The following EPB41L4A variants were observed in gnomAD, a reference collection of about 807,000 sequenced individuals.
The protein encoded by EPB41L4A is band 4.1-like protein 4A.
Under a neutral mutation model 108.6 loss-of-function variants are expected in EPB41L4A, and 100 were observed. The ratio of observed to expected loss-of-function variants is 0.92; its 90% CI spans 0.78 to 1.09. The LOEUF (loss-of-function observed/expected upper bound fraction) is 1.09. Among genes scored for constraint, EPB41L4A ranks in the 50% least tolerant of loss-of-function variants. The pLI is 0.00. For synonymous variants in EPB41L4A, 319 were observed against 289.0 expected (o/e 1.10, Z -1.05); for missense variants, 1,030 against 842.7 (o/e 1.22, Z -2.75).
At chr5:112,151,187 T>C (rs1257052161) in intron 12 of EPB41L4A, among the ~76,000 whole-genome samples, 1 of 151,994 alleles carries the variant, frequency 6.6e-6, no homozygotes, top group Non-Finnish European at 1.5e-5. Flanking sequence ...AGAATGATGA[T>C]CAAAGAAGTG....
intron 9 of EPB41L4A, among the ~76,000 whole-genome samples, chr5:112,253,972 C>T (rs539162373): frequency 6.6e-6 from 1 of 152,250 alleles, no homozygotes; most frequent in South Asian, 2.1e-4. Context: ...CATCGCTTCC[C>T]GTGTACTCTC....
At chr5:112,368,705 C>G (rs1200295521) in intron 1 of EPB41L4A, among the ~76,000 whole-genome samples, 1 of 152,204 alleles carries the variant, frequency 6.6e-6, no homozygotes, top group Non-Finnish European at 1.5e-5. Flanking sequence ...GATGCCTCTG[C>G]TGCATCTGGC....
At chr5:112,328,946 A>G (rs1756372282) in intron 1 of EPB41L4A, among the ~76,000 whole-genome samples, 1 of 152,226 alleles carries the variant, frequency 6.6e-6, no homozygotes, top group South Asian at 2.1e-4. Context: ...TTTCCATTCT[A>G]AGAAGGTTTA....
chr5:112,418,846 G>T, intron 1 of EPB41L4A, 95 bp downstream of exon 1: 1 of 926,358 alleles, frequency 1.1e-6, no homozygotes, highest in Non-Finnish European at 1.7e-6. Flanking sequence ...AGTCGCGGCC[G>T]CCGCCCTCGA....
intron 1 of EPB41L4A, among the ~76,000 whole-genome samples, chr5:112,316,374 T>C (rs1333627265): frequency 6.6e-6 from 1 of 152,244 alleles, no homozygotes; most frequent in Admixed American, 6.5e-5. Flanking sequence ...AATACATTCC[T>C]AGTTCTCTGG....
chr5:112,227,825 T>C (rs1220242346), intron 12 of EPB41L4A, among the ~76,000 whole-genome samples: 1 of 152,230 alleles, frequency 6.6e-6, no homozygotes, highest in Admixed American at 6.5e-5. Flanking sequence ...CTGTACTTCA[T>C]TATATCGAAT....
At chr5:112,178,596 C>T (rs1760990677) in intron 18 of EPB41L4A, among the ~76,000 whole-genome samples, 1 of 151,174 alleles carries the variant, frequency 6.6e-6, no homozygotes, top group South Asian at 2.1e-4. Flanking sequence ...TTTTTAACCA[C>T]AATGGAATTA....
chr5:112,278,303 G>A (rs1450461791), intron 3 of EPB41L4A, among the ~76,000 whole-genome samples: 6 of 150,406 alleles, frequency 4.0e-5, no homozygotes, highest in Non-Finnish European at 8.8e-5. Flanking sequence ...AGGCTGGAGT[G>A]CAGTGGTGGG....
chr5:112,360,189 G>A (rs181674933), intron 1 of EPB41L4A, among the ~76,000 whole-genome samples: 14 of 152,258 alleles, frequency 9.2e-5, no homozygotes, highest in Non-Finnish European at 1.6e-4. Context: ...TTGGGAGGCC[G>A]AGGCAGGAGG....
intron 18 of EPB41L4A, chr5:112,183,438 AAC>A (rs1373679123): frequency 1.3e-5 from 2 of 153,370 alleles, no homozygotes; most frequent in African/African-American, 4.8e-5. Context: ...ACAGATTTAA[AAC>A]ACACACGCAC....
chr5:112,385,663 A>T (rs1380355260), intron 1 of EPB41L4A, among the ~76,000 whole-genome samples: 2 of 152,212 alleles, frequency 1.3e-5, no homozygotes, highest in African/African-American at 4.8e-5. Context: ...ATAGCCTCAA[A>T]TCTGGAACAT....
intron 17 of EPB41L4A, among the ~76,000 whole-genome samples, chr5:112,187,352 A>C (rs963748607): frequency 6.6e-6 from 1 of 152,352 alleles, no homozygotes; most frequent in South Asian, 2.1e-4. Flanking sequence ...GAAGTATATC[A>C]TAACAAGGTT....
At chr5:112,214,930 T>G (rs1747508533) in intron 12 of EPB41L4A, among the ~76,000 whole-genome samples, 1 of 152,164 alleles carries the variant, frequency 6.6e-6, no homozygotes, top group East Asian at 1.9e-4. Context: ...CATAAAATAT[T>G]TGACATATAA....
intron 1 of EPB41L4A, among the ~76,000 whole-genome samples, chr5:112,398,363 T>C (rs1037728514): frequency 4.6e-5 from 7 of 152,118 alleles, no homozygotes; most frequent in African/African-American, 1.7e-4. Flanking sequence ...CCATAATAAA[T>C]GCTTCTTTAG....
At chr5:112,394,017 A>T (rs1263898278) in intron 1 of EPB41L4A, among the ~76,000 whole-genome samples, 1 of 152,234 alleles carries the variant, frequency 6.6e-6, no homozygotes, top group Non-Finnish European at 1.5e-5. Flanking sequence ...GATGCAGAAA[A>T]GGCCTTTGAC....
At chr5:112,172,661 G>A (rs1353750948) in intron 18 of EPB41L4A, among the ~76,000 whole-genome samples, 4 of 152,158 alleles carry the variant, frequency 2.6e-5, no homozygotes, top group Non-Finnish European at 4.4e-5. Flanking sequence ...CAGAGAAAGT[G>A]CTAATATTAA....
At chr5:112,275,650 G>A (rs1443432672) in intron 3 of EPB41L4A, among the ~76,000 whole-genome samples, 3 of 151,670 alleles carry the variant, frequency 2.0e-5, no homozygotes, top group African/African-American at 7.3e-5. Context: ...GTGAGGTTAT[G>A]GACAATTTTT....
At chr5:112,170,048 C>A in intron 20 of EPB41L4A, 1 of 422,896 alleles carries the variant, frequency 2.4e-6, no homozygotes, top group Non-Finnish European at 4.1e-6. Context: ...TATTTTAAAA[C>A]TGACATTAAT....
chr5:112,190,598 G>A (rs575824561), intron 17 of EPB41L4A, among the ~76,000 whole-genome samples: 1 of 152,292 alleles, frequency 6.6e-6, no homozygotes, highest in African/African-American at 2.4e-5. Context: ...CTCTGGAAGT[G>A]GGTATAGGAC....
Sources: allele counts gnomAD v4.1 joint callset (sites outside exome capture counted in the v4.1 genomes callset), GRCh38; gene constraint gnomAD v4.1.1; transcripts MANE v1.5; gene names NCBI Gene and HGNC (gene_info 2026-07-23, HGNC 2026-07-21).